The following PSPC1 variants were observed in gnomAD, a reference collection of about 807,000 sequenced individuals.
PSPC1 encodes paraspeckle component 1.
Under a neutral mutation model 51.6 loss-of-function variants are expected in PSPC1, and 14 were observed. That is an observed-to-expected ratio of 0.27 (90% CI 0.18 to 0.42). PSPC1 has a LOEUF of 0.42. PSPC1 is among the 10% of genes least tolerant of loss of function. The probability of loss-of-function intolerance (pLI) is 1.00; values close to 1 mark genes in which losing one functional copy is unlikely to be tolerated. For synonymous variants in PSPC1, 193 were observed against 231.9 expected, an observed-to-expected ratio of 0.83 and a Z score of 1.53; for missense variants, 406 against 701.1, an observed-to-expected ratio of 0.58 and a Z score of 4.75.
At chr13:19,736,540 A>ATGTGGTGTGGTGT (rs1566010634) in intron 5 of PSPC1, among the ~76,000 whole-genome samples, 33 of 151,954 alleles carry the variant, frequency 2.2e-4, no homozygotes, top group African/African-American at 7.3e-4. Flanking sequence ...AAAATTAGCC[A>ATGTGGTGTGGTGT]GGTGTGGTGA....
intron 5 of PSPC1, among the ~76,000 whole-genome samples, chr13:19,734,812 T>A (rs986615400): frequency 6.7e-6 from 1 of 149,800 alleles, no homozygotes; most frequent in African/African-American, 2.5e-5. Flanking sequence ...AAAAAAAAAA[T>A]AATAAGAATA....
At chr13:19,742,260 C>CAAAAAAAAAAAAA (rs36104148) in intron 4 of PSPC1, among the ~76,000 whole-genome samples, 3 of 119,172 alleles carry the variant, frequency 2.5e-5, no homozygotes, top group East Asian at 2.4e-4. Context: ...GACTCAATCT[C>CAAAAAAAAAAAAA]AAAAAAAAAA....
At chr13:19,752,585 TA>T (rs1374590971) in intron 3 of PSPC1, among the ~76,000 whole-genome samples, 24 of 151,254 alleles carry the variant, frequency 1.6e-4, no homozygotes, top group African/African-American at 4.8e-4. Flanking sequence ...CTTTTTTATT[TA>T]TTTATTTATT....
chr13:19,779,252 C>T (rs1243457080), intron 1 of PSPC1, among the ~76,000 whole-genome samples: 5 of 53,984 alleles, frequency 9.3e-5, no homozygotes, highest in African/African-American at 2.3e-4. Flanking sequence ...CGTCTCCGCC[C>T]GGCAGCCACC....
chr13:19,762,571 TC>T (rs5802027), intron 2 of PSPC1, among the ~76,000 whole-genome samples: 101,849 of 152,004 alleles, frequency 0.67, 37,344 homozygotes, highest in East Asian at 0.89. Flanking sequence ...GAAAAAAAGA[TC>T]AATCACAACC....
intron 4 of PSPC1, among the ~76,000 whole-genome samples, chr13:19,747,284 G>C (rs535445033): frequency 6.6e-6 from 1 of 151,794 alleles, no homozygotes; most frequent in Non-Finnish European, 1.5e-5. Context: ...ATATAAGGCG[G>C]ATATTTACAT....
chr13:19,694,400 G>A (rs1407012215), intron 6 of PSPC1, among the ~76,000 whole-genome samples: 1 of 151,778 alleles, frequency 6.6e-6, no homozygotes, highest in East Asian at 1.9e-4. Flanking sequence ...TTAAAGGAGG[G>A]AAAAAAGCAA....
At chr13:19,720,327 A>G (rs919430465) in intron 6 of PSPC1, among the ~76,000 whole-genome samples, 18 of 152,214 alleles carry the variant, frequency 1.2e-4, no homozygotes, top group Non-Finnish European at 4.4e-5. Context: ...AGGTGAAAGA[A>G]AAGAACAAAT....
At chr13:19,720,962 C>T (rs1450435739) in intron 6 of PSPC1, among the ~76,000 whole-genome samples, 1 of 152,142 alleles carries the variant, frequency 6.6e-6, no homozygotes, top group Non-Finnish European at 1.5e-5. Flanking sequence ...CTCATAACTG[C>T]ATCTCATCAG....
At chr13:19,733,786 A>AT (rs1555237784) in intron 5 of PSPC1, among the ~76,000 whole-genome samples, 6,575 of 141,678 alleles carry the variant, frequency 0.046, 449 homozygotes, top group African/African-American at 0.15. Flanking sequence ...AAGAAAAAAA[A>AT]ATATATATAT....
At chr13:19,750,210 T>C (rs192850531) in intron 4 of PSPC1, among the ~76,000 whole-genome samples, 49 of 152,246 alleles carry the variant, frequency 3.2e-4, no homozygotes, top group African/African-American at 1.2e-3. Context: ...GGAATGCTAC[T>C]GCAGAAATTC....
rs1259823312 is a variant in PSPC1 at position 19,713,904 on chromosome 13, T to TAC, written c.1159-4306_1159-4305insGT. Reference sequence around the variant, plus strand: ...GTTAGTTATAGTACTATCATCAGACTTTTCTCTGTATCAACATTCACTACA... The same window carrying TAC: ...GTTAGTTATAGTACTATCATCAGACTACTTTCTCTGTATCAACATTCACTACA... On this transcript the variant is annotated intron_variant, in intron 6 of 8. Transcript: ENST00000338910. Among the ~76,000 whole-genome samples, 213 of 152,302 alleles carry TAC rather than the reference T, an allele frequency of 1.4e-3. 2 individuals are homozygous for TAC. The highest frequency in any genetic ancestry group is 4.9e-3 in the African/African-American group (204 of 41,548).
rs773395859 is a variant in PSPC1, at chr13:19,751,290, T to C, written c.948A>G (p.Gln316=). The stretch of plus-strand genomic sequence containing the variant: ...ATTTACCTTGCCTCATTAGCATTAA[T>C]TGGTGTTCATGCCTAGCTGCTTCCA... The part of the protein sequence containing the change: ...AEMEAARHEH[Q]LMLMRQDLMR... Residue 316 remains glutamine, a synonymous_variant, in exon 4 of 9, where the codon CAA becomes CAG. Coordinates refer to ENST00000338910, the MANE Select transcript of PSPC1 (RefSeq NM_001354909.2). 3 of 1,550,850 alleles carry C rather than the reference T, an allele frequency of 1.9e-6. No individual in the cohort carries two copies. The highest frequency in any genetic ancestry group is 2.2e-5 in the Admixed American group (1 of 44,616).
chr13:19,724,512 G>A (rs1447200564), intron 6 of PSPC1, among the ~76,000 whole-genome samples: 1 of 152,178 alleles, frequency 6.6e-6, no homozygotes. Context: ...CTGATCAAGA[G>A]GGGTTCACAT....
intron 6 of PSPC1, among the ~76,000 whole-genome samples, chr13:19,695,550 T>C (rs796630961): frequency 3.9e-5 from 6 of 152,222 alleles, no homozygotes; most frequent in African/African-American, 1.4e-4. Context: ...TAAATCTACA[T>C]ATTAGCAACA....
chr13:19,686,296 G>A (rs1176594739), intron 6 of PSPC1, among the ~76,000 whole-genome samples: 1 of 152,154 alleles, frequency 6.6e-6, no homozygotes, highest in Non-Finnish European at 1.5e-5. Flanking sequence ...ACCTGGGGGA[G>A]GGAGAGGACA....
At chr13:19,699,309 AT>A (rs1879630489), downstream of PSPC1, 1 of 123,862 alleles carries the variant, frequency 8.1e-6, no homozygotes, top group African/African-American at 2.5e-5. Context: ...GACACTATAA[AT>A]TTTTTTCTGC....
At chr13:19,675,177 A>C (rs974762753) in intron 7 of PSPC1, 1 of 152,576 alleles carries the variant, frequency 6.6e-6, no homozygotes, top group Non-Finnish European at 1.5e-5. Context: ...TTTCAGTAAG[A>C]ACGATTTTTC....
intron 1 of PSPC1, among the ~76,000 whole-genome samples, chr13:19,776,620 G>C (rs12872099): frequency 0.11 from 16,366 of 151,542 alleles, 1,025 homozygotes; most frequent in Middle Eastern, 0.14. Context: ...CCATTCTCCT[G>C]CCTCAGCCTC....
Sources: allele counts gnomAD v4.1 joint callset (sites outside exome capture counted in the v4.1 genomes callset), GRCh38; gene constraint gnomAD v4.1.1; transcripts MANE v1.5; gene names NCBI Gene and HGNC (gene_info 2026-07-23, HGNC 2026-07-21).